The following ANKRD50 variants were observed in gnomAD, a reference collection of about 807,000 sequenced individuals.
ANKRD50 encodes the protein ankyrin repeat domain-containing protein 50.
A neutral mutation model predicts 112.0 loss-of-function variants in ANKRD50; 40 were observed. The observed-to-expected ratio is 0.36, with a 90% CI of 0.28 to 0.46. ANKRD50 has a LOEUF of 0.46. Among genes scored for constraint, ANKRD50 ranks in the 20% least tolerant of loss-of-function variants. The pLI is 1.00. For missense variants in ANKRD50, 1,487 were observed against 1,701.7 expected, an observed-to-expected ratio of 0.87 and a Z score of 2.22; for synonymous variants, 613 against 619.1, an observed-to-expected ratio of 0.99 and a Z score of 0.15.
Position 124,670,224 on chromosome 4 carries a change from G to A in ANKRD50, c.3053C>T (p.Ser1018Phe). 2.5e-6 allele frequency: 4 copies of A among 1,613,688 alleles called. No individual in the cohort carries two copies. Among genetic ancestry groups the A allele is most frequent in the Non-Finnish European group, 3.4e-6 (4 of 1,179,826 alleles). The stretch of plus-strand genomic sequence containing the variant: ...TTTTACATGGCCCTGCCAGGCTGCA[G>A]ACTGCAAAGCAGAGCGCTTTTCATT... ...ADNEKRSALQ[S>F]AAWQGHVKVV... The change falls in exon 4 of 5, where the codon TCT becomes TTT. Residue 1018 changes from serine (S) to phenylalanine (F), a missense_variant. Transcript: ENST00000504087.
intron 1 of ANKRD50, among the ~76,000 whole-genome samples, chr4:124,711,764 A>G (rs1725638467): frequency 6.6e-6 from 1 of 151,970 alleles, no homozygotes; most frequent in African/African-American, 2.4e-5. Flanking sequence ...ACGGTTTAAA[A>G]AAAAAAAACA....
At chr4:124,668,845 G>A in intron 4 of ANKRD50, 139 bp downstream of exon 4, 8 of 699,858 alleles carry the variant, frequency 1.1e-5, no homozygotes, top group Admixed American at 3.2e-5. Flanking sequence ...ATGTAAAGGG[G>A]TGATGAGGCA....
rs1042813370 is a variant in ANKRD50, at chr4:124,665,130, T to A, written c.*2388A>T. The A allele has an allele frequency of 6.6e-6, 1 of 151,970 alleles. No individual in the cohort carries two copies. The highest frequency in any genetic ancestry group is 2.4e-5 in the African/African-American group (1 of 41,422). The allele number at this position is 151,970 out of a possible 1,614,324, so 9.4% of individuals were successfully genotyped here. A position where few individuals can be genotyped will look rare whatever the true frequency, so the allele number is the denominator to read the frequency against. ...GAGCAGAAGCCATTTTCATTTATAG[T>A]ATTAAATCCCCCACAGAAACAAATA... On this transcript the variant is annotated 3_prime_UTR_variant, in exon 5 of 5. Transcript: ENST00000504087.
chr4:124,685,604 T>C (rs1018252439), intron 2 of ANKRD50, among the ~76,000 whole-genome samples: 1 of 152,160 alleles, frequency 6.6e-6, no homozygotes, highest in African/African-American at 2.4e-5. Context: ...TGAGATAATG[T>C]AATGACAGTC....
At chr4:124,700,338 G>GT (rs1725362164) in intron 2 of ANKRD50, among the ~76,000 whole-genome samples, 1 of 152,222 alleles carries the variant, frequency 6.6e-6, no homozygotes, top group South Asian at 2.1e-4. Flanking sequence ...TCTAAACATA[G>GT]TAAGAAGCCA....
Position 124,667,357 on chromosome 4 carries a change from T to C in ANKRD50, c.*161A>G, listed in dbSNP as rs1730519373. 1 of 152,042 alleles carries C rather than the reference T, an allele frequency of 6.6e-6. No homozygotes were observed. The highest frequency in any genetic ancestry group is 2.1e-4 in the South Asian group (1 of 4,830). 9.4% of individuals were successfully genotyped at this position (152,042 alleles called of 1,614,324 possible). ...AGAGGGTTACATTGAGAAGGCAGCC[T>C]TACTATTTAGGCACATTACAGTAAT... On this transcript the variant is annotated 3_prime_UTR_variant, in exon 5 of 5. Coordinates refer to ENST00000504087, the MANE Select transcript of ANKRD50 (RefSeq NM_020337.3).
At chr4:124,693,799 TTGA>T in intron 2 of ANKRD50, among the ~76,000 whole-genome samples, 1 of 152,288 alleles carries the variant, frequency 6.6e-6, no homozygotes, top group East Asian at 1.9e-4. Context: ...AATGTACGTT[TTGA>T]TGATAATTTC....
intron 3 of ANKRD50, 25 bp from the exon 4 acceptor site, chr4:124,672,559 T>A (rs763104677): frequency 5.4e-6 from 8 of 1,487,956 alleles, no homozygotes; most frequent in Non-Finnish European, 5.4e-6. Flanking sequence ...AAAAAGTAGA[T>A]GTAATCAGTT....
In ANKRD50 at chr4:124,669,708, G is replaced by C. The variant is rs775581431; in HGVS notation, c.3569C>G (p.Ser1190Ter). The C allele has an allele frequency of 6.2e-7, 1 of 1,613,096 alleles. No individual in the cohort carries two copies. The highest frequency in any genetic ancestry group is 8.5e-7 in the Non-Finnish European group (1 of 1,179,704). The change falls in exon 4 of 5, where the codon TCA becomes TGA. Residue 1190 changes from serine to a stop codon, truncating the protein, a stop_gained. Coordinates refer to ENST00000504087, the MANE Select transcript of ANKRD50 (RefSeq NM_020337.3). LOFTEE classifies it high-confidence loss of function. ...TGTAGATGAAGTAGTTCTCAAAGAT[G>C]AATTTTTTGAGCTTTTCAGGGAATT... Reference protein sequence around the residue: ...SNNSLKSSKNSSLRTTSSTAT... With the variant: ...SNNSLKSSKN
chr4:124,680,584 T>C (rs1286758331), intron 2 of ANKRD50, among the ~76,000 whole-genome samples: 7 of 152,202 alleles, frequency 4.6e-5, no homozygotes, highest in Admixed American at 3.3e-4. Flanking sequence ...CTTAAACATA[T>C]ATTTTGTCCA....
At chr4:124,693,488 A>G (rs927055858) in intron 2 of ANKRD50, among the ~76,000 whole-genome samples, 1 of 152,150 alleles carries the variant, frequency 6.6e-6, no homozygotes, top group African/African-American at 2.4e-5. Flanking sequence ...CTGGATCTGT[A>G]GTTAATTACC....
intron 2 of ANKRD50, among the ~76,000 whole-genome samples, chr4:124,683,470 C>G (rs1375073807): frequency 6.6e-6 from 1 of 151,850 alleles, no homozygotes. Flanking sequence ...TCTTTTCTAG[C>G]TATTTTGAAA....
rs907395299 is a variant in ANKRD50 at position 124,673,271 on chromosome 4, C to T, written c.743-737G>A. The stretch of plus-strand genomic sequence containing the variant: ...AAGCCATAATTTCACTGTCTAAAGG[C>T]AGATGACATCATGATATACAGATAT... On this transcript the variant is annotated intron_variant, in intron 3 of 4. Coordinates refer to ENST00000504087, the MANE Select transcript of ANKRD50 (RefSeq NM_020337.3). Among the ~76,000 whole-genome samples, 3 of 152,140 alleles carry T rather than the reference C, an allele frequency of 2.0e-5. No homozygotes were observed. In the South Asian group the frequency reaches 6.2e-4, roughly 32 times the overall value.
At position 124,710,239 on chromosome 4, in the gene ANKRD50, T is replaced by C. The variant is rs142377143; in HGVS notation, c.273A>G (p.Leu91=). ...SGKTALCTEL[L]WPSSPASLQR... is the part of the protein sequence containing the mutation. The stretch of plus-strand genomic sequence containing the variant: ...GCAAACTTGCAGGTGAACTTGGCCA[T>C]AAGAGTTCAGTACATAGGGCCGTCT... Residue 91 remains leucine (L), a synonymous_variant, in exon 2 of 5, where the codon TTA becomes TTG. Coordinates refer to ENST00000504087, the MANE Select transcript of ANKRD50 (RefSeq NM_020337.3). 621 of 1,614,206 alleles carry C rather than the reference T, an allele frequency of 3.8e-4. No homozygotes were observed. Among genetic ancestry groups the C allele is most frequent in the Admixed American group, 6.2e-4 (37 of 60,012 alleles).
Position 124,710,137 on chromosome 4 carries a change from C to T in ANKRD50, c.375G>A (p.Gly125=), listed in dbSNP as rs780292337. The change falls in exon 2 of 5, where the codon GGG becomes GGA. Residue 125 remains glycine, a synonymous_variant. Coordinates refer to ENST00000504087, the MANE Select transcript of ANKRD50 (RefSeq NM_020337.3). ...AQDSDTLCVG[G]FIRGLVAQIC... ...TCTGGGCTACTAGACCTCTAATAAA[C>T]CCTCCAACACACAAAGTATCAGAGT... 8.1e-6 allele frequency: 13 copies of T among 1,614,190 alleles called. No individual in the cohort carries two copies. Among genetic ancestry groups the T allele is most frequent in the South Asian group, 1.1e-5 (1 of 91,088 alleles).
At chr4:124,705,048 C>T (rs1725473389) in intron 2 of ANKRD50, among the ~76,000 whole-genome samples, 1 of 151,988 alleles carries the variant, frequency 6.6e-6, no homozygotes, top group African/African-American at 2.4e-5. Flanking sequence ...GAGCCAAGAT[C>T]ACGCCACTGC....
chr4:124,708,344 C>A (rs748049719), intron 2 of ANKRD50, among the ~76,000 whole-genome samples: 2 of 152,100 alleles, frequency 1.3e-5, no homozygotes, highest in Non-Finnish European at 2.9e-5. Context: ...AAGAATGATA[C>A]AACAGTTTTA....
intron 2 of ANKRD50, among the ~76,000 whole-genome samples, chr4:124,703,590 A>G (rs1398562247): frequency 6.6e-6 from 1 of 152,154 alleles, no homozygotes; most frequent in Non-Finnish European, 1.5e-5. Context: ...CAGGGCTTAT[A>G]TAAAGACAGC....
intron 2 of ANKRD50, 46 bp from the exon 3 acceptor site, chr4:124,678,951 G>GTCCC: frequency 1.5e-6 from 2 of 1,341,154 alleles, no homozygotes; most frequent in Non-Finnish European, 2.1e-6. Context: ...AAGTGGCTAT[G>GTCCC]ATGTTAAGAT....
Sources: gnomAD v4.1 joint callset for allele counts (sites outside exome capture counted in the v4.1 genomes callset) on GRCh38, gnomAD v4.1.1 for gene constraint, MANE v1.5 for transcripts, NCBI Gene and HGNC (gene_info 2026-07-23, HGNC 2026-07-21) for gene names.